The following PRDM10 variants were observed in gnomAD, a reference collection of about 807,000 sequenced individuals.
The protein encoded by PRDM10 is PR/SET domain 10, also known as PR domain zinc finger protein 10.
Under a neutral mutation model 133.1 loss-of-function variants are expected in PRDM10, and 65 were observed. That is an observed-to-expected ratio of 0.49 (90% CI 0.40 to 0.60). PRDM10 has a LOEUF of 0.60. Ranked by LOEUF, PRDM10 falls within the 20% of genes least tolerant of loss-of-function variation. PRDM10 has a pLI of 0.00. For synonymous variants in PRDM10, 582 were observed against 580.4 expected (o/e 1.00, Z -0.04); for missense variants, 1,137 against 1,507.1 (o/e 0.75, Z 4.07).
chr11:129,911,949 T>C, intron 18 of PRDM10, 136 bp downstream of exon 18: 2 of 1,184,444 alleles, frequency 1.7e-6, no homozygotes, highest in Non-Finnish European at 2.2e-6. Flanking sequence ...GAGGCAAAGG[T>C]AAGATCCTTT....
At chr11:129,978,730 A>G (rs1937930442) in intron 1 of PRDM10, among the ~76,000 whole-genome samples, 2 of 152,212 alleles carry the variant, frequency 1.3e-5, no homozygotes, top group Admixed American at 1.3e-4. Context: ...GGCTGCAGAG[A>G]CTATCAGCTC....
intron 1 of PRDM10, among the ~76,000 whole-genome samples, chr11:129,989,588 A>G (rs572463899): frequency 1.3e-5 from 2 of 152,146 alleles, no homozygotes; most frequent in Admixed American, 6.5e-5. Context: ...TTCCTTCCAG[A>G]TGGTTCTGGG....
chr11:129,993,585 C>T (rs933395760), intron 1 of PRDM10, among the ~76,000 whole-genome samples: 4 of 152,052 alleles, frequency 2.6e-5, no homozygotes, highest in African/African-American at 7.2e-5. Context: ...CCTGGGTTCA[C>T]ACCATTCTCC....
chr11:129,985,780 CAAAAAAAAAAAAAAAAAAAA>C (rs1159728991), intron 1 of PRDM10, among the ~76,000 whole-genome samples: 4 of 26,738 alleles, frequency 1.5e-4, no homozygotes, highest in African/African-American at 3.7e-4. Context: ...AAACCCTGTC[CAAAAAAAAAAAAAAAAAAAA>C]AAAAAAAAAA....
At chr11:129,928,663 G>A (rs751007738) in intron 11 of PRDM10, among the ~76,000 whole-genome samples, 2 of 152,140 alleles carry the variant, frequency 1.3e-5, no homozygotes, top group Admixed American at 1.3e-4. Flanking sequence ...CCAAAGTGCC[G>A]AGATTATAGG....
Position 129,942,450 on chromosome 11 carries a change from A to G in PRDM10, c.942T>C (p.Asn314=). Residue 314 remains asparagine (N), a synonymous_variant, in exon 7 of 21, where the codon AAT becomes AAC. Coordinates refer to ENST00000360871, the MANE Select transcript of PRDM10 (RefSeq NM_199437.2). ...CCTTCAGTTCCTGCTTGGGCTCCAC[A>G]TTTTTTATGGTTGTATAATACACAT... The part of the protein sequence containing the change: ...GHHVYYTTIK[N]VEPKQELKVW... The G allele has an allele frequency of 1.2e-6, 2 of 1,613,990 alleles. No homozygotes were observed. Among genetic ancestry groups the G allele is most frequent in the Non-Finnish European group, 1.7e-6 (2 of 1,179,992 alleles).
At chr11:129,934,472 G>C (rs1950966260) in intron 9 of PRDM10, among the ~76,000 whole-genome samples, 1 of 151,730 alleles carries the variant, frequency 6.6e-6, no homozygotes, top group East Asian at 1.9e-4. Context: ...ATGCTAACAG[G>C]ACTCCTTGTC....
intron 1 of PRDM10, among the ~76,000 whole-genome samples, chr11:129,967,007 T>C (rs1951919922): frequency 2.0e-5 from 3 of 152,214 alleles, no homozygotes; most frequent in African/African-American, 7.2e-5. Context: ...CTCTTTTGTA[T>C]GCCAAAGAGT....
chr11:129,910,183 T>C (rs950280281), intron 19 of PRDM10, among the ~76,000 whole-genome samples: 2 of 152,190 alleles, frequency 1.3e-5, no homozygotes, highest in Admixed American at 6.5e-5. Flanking sequence ...CAAATATTGG[T>C]GGAAGGGATG....
intron 1 of PRDM10, among the ~76,000 whole-genome samples, chr11:129,965,075 G>A (rs1339547821): frequency 6.6e-6 from 1 of 152,192 alleles, no homozygotes; most frequent in Non-Finnish European, 1.5e-5. Flanking sequence ...AGAGGCCGCA[G>A]CGGGCAGATC....
intron 1 of PRDM10, among the ~76,000 whole-genome samples, chr11:129,998,514 G>A (rs941775941): frequency 6.6e-6 from 1 of 152,102 alleles, no homozygotes; most frequent in Non-Finnish European, 1.5e-5. Flanking sequence ...ATCCATATAA[G>A]GTTCTAAACT....
chr11:129,988,354 T>C (rs1392295591), intron 1 of PRDM10, among the ~76,000 whole-genome samples: 1 of 152,172 alleles, frequency 6.6e-6, no homozygotes, highest in South Asian at 2.1e-4. Flanking sequence ...ATTTTATTTT[T>C]AAATTTTTAT....
At chr11:129,934,280 T>C (rs980748180) in intron 9 of PRDM10, among the ~76,000 whole-genome samples, 1 of 152,234 alleles carries the variant, frequency 6.6e-6, no homozygotes, top group East Asian at 1.9e-4. Context: ...CAAGTGGGCA[T>C]TTAATAGAGT....
intron 2 of PRDM10, among the ~76,000 whole-genome samples, chr11:129,958,864 CA>C (rs1461513509): frequency 1.3e-5 from 2 of 152,112 alleles, no homozygotes; most frequent in East Asian, 3.9e-4. Flanking sequence ...AATTTTCTCC[CA>C]AGACCTAAAG....
chr11:129,965,401 AG>A (rs1951886018), intron 1 of PRDM10, among the ~76,000 whole-genome samples: 1 of 152,210 alleles, frequency 6.6e-6, no homozygotes, highest in South Asian at 2.1e-4. Context: ...TACAGGAGAC[AG>A]TAGAAGAATC....
At position 129,914,860 on chromosome 11, in the gene PRDM10, G is replaced by A. The variant is rs201058090; in HGVS notation, c.2685C>T (p.Leu895=). 1.1e-4 allele frequency: 183 copies of A among 1,614,052 alleles called. 1 individual carries two copies. The highest frequency in any genetic ancestry group is 5.2e-5 in the Non-Finnish European group (61 of 1,180,042). ...GGGACAGTTCTGTCATTGCTTGGGT[G>A]AGCAGGTCCGTCGTCACCACAGTCT... ...TGETVVTTDL[L]TQAMTELSQT... is the part of the protein sequence containing the mutation. The change falls in exon 17 of 21, where the codon CTC becomes CTT. Residue 895 remains leucine (L), a synonymous_variant. Transcript: ENST00000360871.
At chr11:129,979,967 G>A (rs1412850054) in intron 1 of PRDM10, among the ~76,000 whole-genome samples, 1 of 152,208 alleles carries the variant, frequency 6.6e-6, no homozygotes, top group African/African-American at 2.4e-5. Context: ...ATGGAATTTA[G>A]TTGCCAGGAA....
intron 4 of PRDM10, among the ~76,000 whole-genome samples, chr11:129,955,262 G>A (rs1008456778): frequency 6.6e-6 from 1 of 151,996 alleles, no homozygotes; most frequent in Non-Finnish European, 1.5e-5. Context: ...CAAATACCCT[G>A]TTTATATGCT....
At position 129,932,363 on chromosome 11, in the gene PRDM10, A is replaced by G. The variant is rs992023832; in HGVS notation, c.1158-132T>C. The G allele has an allele frequency of 5.1e-6, 6 of 1,172,856 alleles. No homozygotes were observed. In the African/African-American group the frequency reaches 9.4e-5, roughly 18 times the overall value. The allele number at this position is 1,172,856 out of a possible 1,614,324, so 72.7% of individuals were successfully genotyped here. A position where few individuals can be genotyped will look rare whatever the true frequency, so the allele number is the denominator to read the frequency against. On this transcript the variant is annotated intron_variant, in intron 9 of 20. Transcript: ENST00000360871. ...TTATTACTTTCCCAGATTTTCTCCA[A>G]TAGAAACAACTGTTTTACTAATATA...
Sources: allele counts gnomAD v4.1 joint callset (sites outside exome capture counted in the v4.1 genomes callset), GRCh38; gene constraint gnomAD v4.1.1; transcripts MANE v1.5; gene names NCBI Gene and HGNC (gene_info 2026-07-23, HGNC 2026-07-21).